Variants in SPAG6 observed in about 807,000 individuals in gnomAD.
The protein encoded by SPAG6 is sperm associated antigen 6.
In SPAG6, 49 loss-of-function variants were observed where a neutral mutation model predicts 58.5. The ratio of observed to expected loss-of-function variants is 0.84; its 90% confidence interval spans 0.67 to 1.06. The LOEUF is 1.06. Among genes scored for constraint, SPAG6 ranks in the 50% least tolerant of loss-of-function variants. SPAG6 has a pLI of 0.00. For synonymous variants in SPAG6, 233 were observed against 225.6 expected (o/e 1.03, Z -0.29); for missense variants, 560 against 611.3 (o/e 0.92, Z 0.89).
At chr10:22,386,592 C>G (rs1292712273) in intron 4 of SPAG6, among the ~76,000 whole-genome samples, 162 bp from the exon 5 acceptor site, 1 of 152,080 alleles carries the variant, frequency 6.6e-6, no homozygotes, top group Non-Finnish European at 1.5e-5. Flanking sequence ...CAGGATTGGT[C>G]CACATGGTTT....
At chr10:22,382,520 G>A (rs1036455245) in intron 4 of SPAG6, among the ~76,000 whole-genome samples, 1 of 152,086 alleles carries the variant, frequency 6.6e-6, no homozygotes, top group African/African-American at 2.4e-5. Context: ...GTGTGAAAAA[G>A]TAAATGAATA....
intron 10 of SPAG6, among the ~76,000 whole-genome samples, chr10:22,414,142 G>A (rs1407330312): frequency 2.0e-4 from 31 of 152,190 alleles, no homozygotes; most frequent in African/African-American, 7.2e-4. Flanking sequence ...CAGCTGGGGT[G>A]GGGAAGCAGC....
rs149488060 is a variant in SPAG6 at position 22,347,824 on chromosome 10, G to T, written c.121+2006G>T. ...ATTCTCTGCACTTGACTAATATCTG[G>T]GTAGCATGCTAAAATGTTTCTTTTC... On this transcript the variant is annotated intron_variant, in intron 2 of 10. Transcript: ENST00000376624. Among the ~76,000 whole-genome samples the T allele has an allele frequency of 3.6e-3, 542 of 152,164 alleles. 2 individuals carry two copies. The highest frequency in any genetic ancestry group is 0.017 in the South Asian group (82 of 4,818).
At chr10:22,346,378 G>C (rs781058794) in intron 2 of SPAG6, among the ~76,000 whole-genome samples, 60 of 151,904 alleles carry the variant, frequency 3.9e-4, no homozygotes, top group Non-Finnish European at 6.5e-4. Flanking sequence ...GAGGGGGAGA[G>C]GGAGGGAGAG....
intron 4 of SPAG6, among the ~76,000 whole-genome samples, chr10:22,386,476 C>T (rs1237586736): frequency 6.7e-6 from 1 of 148,476 alleles, no homozygotes; most frequent in African/African-American, 2.6e-5. Context: ...CATCTGCTTA[C>T]TCTCTTAAAA....
intron 4 of SPAG6, among the ~76,000 whole-genome samples, chr10:22,376,392 C>G (rs1340803530): frequency 6.6e-6 from 1 of 151,832 alleles, no homozygotes; most frequent in African/African-American, 2.4e-5. Context: ...TTATTTTCAC[C>G]TATTTCTTTT....
intron 8 of SPAG6, among the ~76,000 whole-genome samples, chr10:22,393,741 C>G (rs1834231343): frequency 6.6e-6 from 1 of 152,118 alleles, no homozygotes; most frequent in Admixed American, 6.5e-5. Flanking sequence ...TTTGATCATT[C>G]TTTTTTCTTT....
chr10:22,414,758 A>G (rs974562425), intron 10 of SPAG6, among the ~76,000 whole-genome samples: 2 of 152,144 alleles, frequency 1.3e-5, no homozygotes, highest in African/African-American at 4.8e-5. Flanking sequence ...CATACTAGCC[A>G]TTTTCTTAAA....
chr10:22,397,847 A>G (rs1279738240), intron 8 of SPAG6, among the ~76,000 whole-genome samples: 2 of 152,124 alleles, frequency 1.3e-5, no homozygotes, highest in Admixed American at 1.3e-4. Context: ...ATTGATCTAT[A>G]TATTTAACAT....
intron 4 of SPAG6, among the ~76,000 whole-genome samples, chr10:22,371,346 C>T (rs1469871393): frequency 6.6e-6 from 1 of 152,080 alleles, no homozygotes; most frequent in Non-Finnish European, 1.5e-5. Flanking sequence ...CTCCACCTCC[C>T]GGGTTCAAGT....
Position 22,368,669 on chromosome 10 carries a change from C to A in SPAG6, c.463C>A (p.His155Asn). The change falls in exon 4 of 11, where the codon CAT (histidine) becomes AAT (asparagine). Residue 155 changes from histidine to asparagine, a missense_variant. Physicochemically the swap from His to Asn is moderately conservative, Grantham distance 68 (BLOSUM62 1). Transcript: ENST00000376624. ...CTGGGCACTTAGATATATTGCAAGA[C>A]ATAATGCAGGTAATTTAAAATATGC... ...AAWALRYIAR[H>N]NAELSQAVVD... 6.2e-7 allele frequency: 1 copy of A among 1,608,600 alleles called. No individual in the cohort carries two copies. Among genetic ancestry groups the A allele is most frequent in the East Asian group, 2.2e-5 (1 of 44,802 alleles).
intron 4 of SPAG6, among the ~76,000 whole-genome samples, chr10:22,376,831 T>A (rs773311280): frequency 6.6e-6 from 1 of 151,992 alleles, no homozygotes; most frequent in Non-Finnish European, 1.5e-5. Context: ...ATGCCTATAG[T>A]CCCAGCACTT....
chr10:22,388,245 G>C (rs535249721), intron 6 of SPAG6, among the ~76,000 whole-genome samples: 2 of 151,564 alleles, frequency 1.3e-5, no homozygotes, highest in African/African-American at 4.9e-5. Flanking sequence ...CCCTTCTCCC[G>C]CAAGTGGTGA....
At position 22,346,484 on chromosome 10, in the gene SPAG6, CTTCTTCTTCTTCT is replaced by C. The variant is rs1248829486; in HGVS notation, c.121+681_121+693del. ...TCTTCTTCTTCTTCTTCTTCTTCTT[CTTCTTCTTCTTCT>C]TTCTTCTTCTTCTTCCTCTTCTTCT... On this transcript the variant is annotated intron_variant, in intron 2 of 10. Coordinates refer to ENST00000376624, the MANE Select transcript of SPAG6 (RefSeq NM_012443.4). Among the ~76,000 whole-genome samples the C allele has an allele frequency of 2.8e-3, 394 of 139,322 alleles. 6 individuals are homozygous for C. Among genetic ancestry groups the C allele is most frequent in the African/African-American group, 0.012 (364 of 30,784 alleles). The allele number at this position is 139,322 out of a possible 152,430, so 91.4% of individuals were successfully genotyped here.
At chr10:22,381,522 T>C (rs910917057) in intron 4 of SPAG6, among the ~76,000 whole-genome samples, 1 of 151,958 alleles carries the variant, frequency 6.6e-6, no homozygotes, top group Non-Finnish European at 1.5e-5. Context: ...CTTTTTTTTT[T>C]TTTTTTAAAT....
chr10:22,379,734 G>T (rs1833907401), intron 4 of SPAG6, among the ~76,000 whole-genome samples: 1 of 152,218 alleles, frequency 6.6e-6, no homozygotes, highest in Admixed American at 6.5e-5. Context: ...GCTAAATTTG[G>T]TGTGATGTTA....
intron 4 of SPAG6, among the ~76,000 whole-genome samples, chr10:22,380,235 G>A (rs921368786): frequency 1.3e-5 from 2 of 152,168 alleles, no homozygotes; most frequent in Non-Finnish European, 2.9e-5. Context: ...ATGGGATGAG[G>A]AATTATTATT....
At chr10:22,384,948 G>A (rs1033623643) in intron 4 of SPAG6, among the ~76,000 whole-genome samples, 5 of 151,898 alleles carry the variant, frequency 3.3e-5, no homozygotes, top group African/African-American at 9.7e-5. Flanking sequence ...CTTTTAAACC[G>A]TTGTAGTTTG....
intron 2 of SPAG6, among the ~76,000 whole-genome samples, chr10:22,353,522 GAA>G (rs1836787763): frequency 6.6e-6 from 1 of 152,170 alleles, no homozygotes; most frequent in Admixed American, 6.5e-5. Context: ...TACCTAAAAA[GAA>G]AACAACTGTG....
Sources: gnomAD v4.1 joint callset for allele counts (sites outside exome capture counted in the v4.1 genomes callset) on GRCh38, gnomAD v4.1.1 for gene constraint, MANE v1.5 for transcripts, NCBI Gene and HGNC (gene_info 2026-07-23, HGNC 2026-07-21) for gene names.